The following HMGB1 variants were observed in gnomAD, a reference collection of about 807,000 sequenced individuals.
HMGB1 encodes the protein high mobility group box 1, also known as high mobility group protein B1.
For missense variants in HMGB1, 79 were observed against 253.5 expected (o/e 0.31, Z 4.67); for synonymous variants, 81 against 84.0 (o/e 0.96, Z 0.19).
intron 1 of HMGB1, among the ~76,000 whole-genome samples, chr13:30,581,701 T>C (rs1870908419): frequency 6.6e-6 from 1 of 152,192 alleles, no homozygotes; most frequent in Non-Finnish European, 1.5e-5. Flanking sequence ...CAATCAGGAC[T>C]CTTGCTTTGA....
At chr13:30,511,139 C>G (rs1887982955) in intron 1 of HMGB1, among the ~76,000 whole-genome samples, 2 of 152,186 alleles carry the variant, frequency 1.3e-5, no homozygotes, top group African/African-American at 4.8e-5. Context: ...ACCTGAAATG[C>G]TGCCAGTAAT....
chr13:30,470,168 A>C (rs192491284), upstream of HMGB1, among the ~76,000 whole-genome samples: 260 of 152,208 alleles, frequency 1.7e-3, 5 homozygotes, highest in Admixed American at 0.016. Context: ...TTGGGATTAC[A>C]GGCATGAGAA....
At chr13:30,494,972 A>G (rs1057264817) in intron 1 of HMGB1, among the ~76,000 whole-genome samples, 2 of 152,140 alleles carry the variant, frequency 1.3e-5, no homozygotes, top group South Asian at 2.1e-4. Flanking sequence ...AATGTCCTCA[A>G]TGTTCATCCA....
chr13:30,537,352 A>G (rs957243947), intron 1 of HMGB1, among the ~76,000 whole-genome samples: 1 of 152,048 alleles, frequency 6.6e-6, no homozygotes, highest in Non-Finnish European at 1.5e-5. Flanking sequence ...CTGAAGTATA[A>G]CATACAGAAG....
chr13:30,538,360 G>C (rs1868550004), intron 1 of HMGB1, among the ~76,000 whole-genome samples: 1 of 152,138 alleles, frequency 6.6e-6, no homozygotes, highest in South Asian at 2.1e-4. Flanking sequence ...GAAAGCATTT[G>C]GGCTTTGCTG....
chr13:30,475,116 C>A (rs1887055122), intron 1 of HMGB1, among the ~76,000 whole-genome samples: 1 of 74,298 alleles, frequency 1.3e-5, no homozygotes, highest in African/African-American at 5.0e-5. Context: ...CCTTGGCTCA[C>A]TGTCTCTCTC....
chr13:30,584,844 T>C (rs1871072822), intron 1 of HMGB1, among the ~76,000 whole-genome samples: 1 of 152,146 alleles, frequency 6.6e-6, no homozygotes, highest in Admixed American at 6.5e-5. Context: ...TGAACTCTTC[T>C]TCATTAATAA....
At chr13:30,560,651 T>C (rs1869909959) in intron 1 of HMGB1, among the ~76,000 whole-genome samples, 2 of 152,108 alleles carry the variant, frequency 1.3e-5, no homozygotes. Context: ...TTGGGAAGGC[T>C]TGGGGTTGGG....
In HMGB1 at chr13:30,557,107, TA is replaced by T. The variant is rs1240126325; in HGVS notation, c.-15+59563del. ...AAGTTCATTTACTTATATAACAAAT[TA>T]AAAAATTATTTCTTATGCTGTTTTT... is the stretch of plus-strand genomic sequence containing the variant. On this transcript the variant is annotated intron_variant, in intron 1 of 4. Transcript: ENST00000405805. Among the ~76,000 whole-genome samples, 5 of 152,310 alleles carry T rather than the reference TA, an allele frequency of 3.3e-5. No individual in the cohort carries two copies. In the South Asian group the frequency reaches 1.0e-3, roughly 32 times the overall value.
intron 1 of HMGB1, among the ~76,000 whole-genome samples, chr13:30,582,799 G>A (rs1001641213): frequency 3.3e-5 from 5 of 152,144 alleles, no homozygotes; most frequent in Non-Finnish European, 5.9e-5. Flanking sequence ...TGAATTTGAC[G>A]ATTCCATTTC....
intron 1 of HMGB1, among the ~76,000 whole-genome samples, chr13:30,588,029 T>C (rs960003721): frequency 6.6e-6 from 1 of 152,246 alleles, no homozygotes; most frequent in Non-Finnish European, 1.5e-5. Flanking sequence ...CTACAAAAAT[T>C]ACCATCATAT....
intron 1 of HMGB1, among the ~76,000 whole-genome samples, chr13:30,481,037 TTG>T (rs199976811): frequency 6.6e-6 from 1 of 151,812 alleles, no homozygotes; most frequent in African/African-American, 2.4e-5. Context: ...CTTTTTCCTC[TTG>T]TGTGTGTTTT....
rs1029384945 is a variant in HMGB1, at chr13:30,506,248, T to C, written c.-14-42554A>G. ...ATGAGCTGAGTGGGCAGGGGTGGCG[T>C]CTTGGGTGGAAGCATTTGAGATCTG... On this transcript the variant is annotated intron_variant, in intron 1 of 4. Coordinates refer to the HMGB1 transcript ENST00000405805. Among the ~76,000 whole-genome samples, 11 of 152,030 alleles carry C rather than the reference T, an allele frequency of 7.2e-5. No individual in the cohort carries two copies. The East Asian group carries it at 1.9e-3, about 27-fold the overall frequency.
At chr13:30,555,684 AT>A (rs1869656595) in intron 1 of HMGB1, among the ~76,000 whole-genome samples, 1 of 152,238 alleles carries the variant, frequency 6.6e-6, no homozygotes, top group South Asian at 2.1e-4. Context: ...TCCATAATAT[AT>A]TGTCTAAATT....
chr13:30,613,127 TG>T (rs1177782761), intron 1 of HMGB1, among the ~76,000 whole-genome samples: 21 of 152,202 alleles, frequency 1.4e-4, no homozygotes, highest in Non-Finnish European at 2.6e-4. Context: ...TGGTCCAGGC[TG>T]GAGTGCAGAG....
At chr13:30,611,590 C>G (rs188492286) in intron 1 of HMGB1, among the ~76,000 whole-genome samples, 2 of 152,164 alleles carry the variant, frequency 1.3e-5, no homozygotes, top group East Asian at 3.9e-4. Context: ...ATCATTTTTT[C>G]CTCCATAGCT....
At chr13:30,588,452 G>A (rs1027501555) in intron 1 of HMGB1, among the ~76,000 whole-genome samples, 5 of 152,182 alleles carry the variant, frequency 3.3e-5, no homozygotes, top group African/African-American at 1.2e-4. Flanking sequence ...AGACAGGACT[G>A]AGCGTGAAAT....
chr13:30,482,239 C>T (rs1200233331), intron 1 of HMGB1, among the ~76,000 whole-genome samples: 2 of 152,250 alleles, frequency 1.3e-5, no homozygotes, highest in Admixed American at 6.5e-5. Context: ...TGTATCATTC[C>T]GTGTCCCTCC....
chr13:30,532,276 C>T (rs9579596), intron 1 of HMGB1, among the ~76,000 whole-genome samples: 19,034 of 145,722 alleles, frequency 0.13, 1,322 homozygotes, highest in Middle Eastern at 0.18. Flanking sequence ...CGGAGGTTGC[C>T]GTGAGCTGAG....
Sources: gnomAD v4.1 joint callset for allele counts (sites outside exome capture counted in the v4.1 genomes callset) on GRCh38, gnomAD v4.1.1 for gene constraint, MANE v1.5 for transcripts, NCBI Gene and HGNC (gene_info 2026-07-23, HGNC 2026-07-21) for gene names.